The following CDC73 variants were observed in gnomAD, a reference collection of about 807,000 sequenced individuals.
CDC73 encodes cell division cycle 73.
A neutral mutation model predicts 83.7 loss-of-function variants in CDC73; 21 were observed. That is an observed-to-expected ratio of 0.25 (90% CI 0.18 to 0.36). The LOEUF (loss-of-function observed/expected upper bound fraction) is 0.36, where lower values mean the gene tolerates loss of function less well. Ranked by LOEUF, CDC73 falls within the 10% of genes least tolerant of loss-of-function variation. CDC73 has a pLI of 1.00. For synonymous variants in CDC73, 224 were observed against 212.9 expected, an observed-to-expected ratio of 1.05 and a Z score of -0.45; for missense variants, 342 against 653.3, an observed-to-expected ratio of 0.52 and a Z score of 5.19.
chr1:193,128,389 G>T (rs2103116395), intron 2 of CDC73, among the ~76,000 whole-genome samples: 1 of 152,160 alleles, frequency 6.6e-6, no homozygotes, highest in East Asian at 1.9e-4. Flanking sequence ...ACCCTCCCGG[G>T]CTCAAGTTGT....
At chr1:193,211,687 T>C (rs987503436) in intron 11 of CDC73, among the ~76,000 whole-genome samples, 1 of 152,200 alleles carries the variant, frequency 6.6e-6, no homozygotes, top group African/African-American at 2.4e-5. Context: ...CAAAGAGCAT[T>C]CACATCCTGG....
rs574796142 is a variant in CDC73, at chr1:193,221,125, G to A, written c.1154+8648G>A. 6.0e-4 allele frequency among the ~76,000 whole-genome samples: 91 copies of A among 152,176 alleles called. 1 individual carries two copies. The highest frequency in any genetic ancestry group is 7.4e-5 in the Non-Finnish European group (5 of 67,994). On this transcript the variant is annotated intron_variant, in intron 13 of 16. Coordinates refer to ENST00000367435, the MANE Select transcript of CDC73 (RefSeq NM_024529.5). ...AGCTACATTGTTTAAAACAGTGTTA[G>A]CCAAATAATGAGTACTAAGTAAATA...
chr1:193,233,103 C>T lies in CDC73; in HGVS notation c.1265C>T (p.Thr422Ile). 1 of 1,613,604 alleles carries T rather than the reference C, an allele frequency of 6.2e-7. No individual in the cohort carries two copies. Residue 422 changes from threonine to isoleucine, a missense_variant, in exon 14 of 17, where the codon ACA (threonine) becomes ATA (isoleucine). Physicochemically the swap from Thr to Ile is moderately conservative, Grantham distance 89. Coordinates refer to ENST00000367435, the MANE Select transcript of CDC73 (RefSeq NM_024529.5). ...MQPGGTAISV[T>I]VPYRVVDQPL... ...CCAGGGGGCACTGCAATTAGTGTTACAGTACCTTATAGAGTAGTAGACCAG... is the reference window on the plus strand; with the variant it reads ...CCAGGGGGCACTGCAATTAGTGTTATAGTACCTTATAGAGTAGTAGACCAG...
intron 9 of CDC73, 85 bp from the exon 10 acceptor site, chr1:193,152,295 A>G: frequency 1.2e-6 from 1 of 825,528 alleles, no homozygotes; most frequent in Non-Finnish European, 2.1e-6. Context: ...ATCACATTCA[A>G]TGTAGATTAT....
At position 193,232,817 on chromosome 1, in the gene CDC73, C is replaced by T. The variant is rs548551875; in HGVS notation, c.1155-176C>T. Among the ~76,000 whole-genome samples the T allele has an allele frequency of 9.9e-5, 15 of 151,934 alleles. No individual in the cohort carries two copies. The East Asian group carries it at 1.2e-3, about 12-fold the overall frequency. On this transcript the variant is annotated intron_variant, in intron 13 of 16. Coordinates refer to ENST00000367435, the MANE Select transcript of CDC73 (RefSeq NM_024529.5). The stretch of plus-strand genomic sequence containing the variant: ...ACTTGGGAGGCTGAGGCAGGAGAAT[C>T]GCTTGAAACCAGAAGGTGGAGGTTG...
rs2102073256 is a variant in CDC73, at chr1:193,249,740, C to T, written c.1428C>T (p.Phe476=). Reference sequence around the variant, plus strand: ...CCACCCTCTCTATAGTTAAAGCCTTCCATCTGAAGTATGATGAAGTTCGTC... The same window carrying T: ...CCACCCTCTCTATAGTTAAAGCCTTTCATCTGAAGTATGATGAAGTTCGTC... ...PVDIFAKIKA[F]HLKYDEVRLD... is the part of the protein sequence containing the mutation. The change falls in exon 16 of 17, where the codon TTC becomes TTT. Residue 476 remains phenylalanine (F), a synonymous_variant. Coordinates refer to ENST00000367435, the MANE Select transcript of CDC73 (RefSeq NM_024529.5). 1 of 1,608,304 alleles carries T rather than the reference C, an allele frequency of 6.2e-7. No homozygotes were observed. Among genetic ancestry groups the T allele is most frequent in the Non-Finnish European group, 8.5e-7 (1 of 1,175,144 alleles).
chr1:193,129,378 C>T (rs867639758), intron 2 of CDC73, among the ~76,000 whole-genome samples: 12 of 151,868 alleles, frequency 7.9e-5, no homozygotes, highest in Non-Finnish European at 1.2e-4. Context: ...GGGATGCGCC[C>T]GCCTTGGCCT....
intron 7 of CDC73, among the ~76,000 whole-genome samples, chr1:193,144,917 A>C (rs934929037): frequency 6.6e-6 from 1 of 152,074 alleles, no homozygotes; most frequent in Non-Finnish European, 1.5e-5. Context: ...TTCGTGAGAA[A>C]ATTAGAATTT....
At chr1:193,183,965 C>T (rs749403368) in intron 10 of CDC73, among the ~76,000 whole-genome samples, 1 of 151,628 alleles carries the variant, frequency 6.6e-6, no homozygotes. Flanking sequence ...GGAAAATAAT[C>T]ATAATTTATG....
At chr1:193,171,148 T>C (rs10754053) in intron 10 of CDC73, among the ~76,000 whole-genome samples, 110,227 of 152,138 alleles carry the variant, frequency 0.72, 40,207 homozygotes, top group South Asian at 0.82. Flanking sequence ...CATGGTTGAG[T>C]CTGTGTCCCA....
chr1:193,171,072 G>A (rs555893395), intron 10 of CDC73, among the ~76,000 whole-genome samples: 1 of 152,302 alleles, frequency 6.6e-6, no homozygotes, highest in South Asian at 2.1e-4. Flanking sequence ...ACACTGGCAA[G>A]CAAATTGCTT....
chr1:193,242,525 A>T (rs539041014), intron 15 of CDC73, among the ~76,000 whole-genome samples: 1 of 152,074 alleles, frequency 6.6e-6, no homozygotes, highest in Non-Finnish European at 1.5e-5. Flanking sequence ...GTGATTATCT[A>T]CTCACTGTTT....
rs1675459378 is a variant in CDC73, at chr1:193,122,140, A to G, written c.-61A>G. The G allele has an allele frequency of 6.5e-7, 1 of 1,547,842 alleles. No homozygotes were observed. ...GAAGAGGGCGAGGCGACAAGAGAAG[A>G]AGGAGGCAGGCGCGGCGGCAGCGGC... On this transcript the variant is annotated 5_prime_UTR_variant, in exon 1 of 17. Transcript: ENST00000367435.
chr1:193,216,031 G>A (rs553395468), intron 13 of CDC73, among the ~76,000 whole-genome samples: 182 of 152,154 alleles, frequency 1.2e-3, no homozygotes, highest in African/African-American at 1.6e-3. Flanking sequence ...ACCACCTAAC[G>A]TCACACCTGT....
intron 7 of CDC73, among the ~76,000 whole-genome samples, chr1:193,144,381 A>C (rs1426530894): frequency 6.6e-6 from 1 of 151,994 alleles, no homozygotes; most frequent in Non-Finnish European, 1.5e-5. Context: ...TAGTAGATTG[A>C]TGATAATATT....
chr1:193,170,282 A>G (rs1481777498), intron 10 of CDC73, among the ~76,000 whole-genome samples: 1 of 152,180 alleles, frequency 6.6e-6, no homozygotes, highest in Non-Finnish European at 1.5e-5. Flanking sequence ...TTATAATAGA[A>G]TGATTTATAT....
intron 10 of CDC73, among the ~76,000 whole-genome samples, chr1:193,199,599 G>A (rs1677056113): frequency 1.3e-5 from 2 of 151,026 alleles, no homozygotes; most frequent in Non-Finnish European, 2.9e-5. Context: ...TGTAGCCCCA[G>A]CTACTTGAGT....
chr1:193,185,932 T>G (rs1676798948), intron 10 of CDC73: 1 of 152,176 alleles, frequency 6.6e-6, no homozygotes, highest in Non-Finnish European at 1.5e-5. Flanking sequence ...GTGAGCTGTA[T>G]GAACTTGCTT....
intron 10 of CDC73, chr1:193,181,371 GA>G (rs1676713457): frequency 6.2e-7 from 1 of 1,613,932 alleles, no homozygotes; most frequent in African/African-American, 1.3e-5. Context: ...GAAATCCTCG[GA>G]AAGTGTATGT....
Sources: allele counts gnomAD v4.1 joint callset (sites outside exome capture counted in the v4.1 genomes callset), GRCh38; gene constraint gnomAD v4.1.1; transcripts MANE v1.5; gene names NCBI Gene and HGNC (gene_info 2026-07-23, HGNC 2026-07-21).